RFTN1: variants seen among roughly 807,000 people sequenced by gnomAD.
The protein encoded by RFTN1 is raftlin, lipid raft linker 1.
In RFTN1, 26 loss-of-function variants were observed where a neutral mutation model predicts 46.5. The ratio of observed to expected loss-of-function variants is 0.56; its 90% CI spans 0.41 to 0.78. The LOEUF (loss-of-function observed/expected upper bound fraction) is 0.78, where lower values mean the gene tolerates loss of function less well. RFTN1 is among the 30% of genes least tolerant of loss of function. The pLI, the probability that RFTN1 is intolerant of heterozygous loss-of-function variation, is 0.00. For missense variants in RFTN1, 693 were observed against 718.7 expected, an observed-to-expected ratio of 0.96 and a Z score of 0.41; for synonymous variants, 261 against 284.2, an observed-to-expected ratio of 0.92 and a Z score of 0.82.
rs941022278 is a variant in RFTN1, at chr3:16,446,402, A to T, written c.146-12365T>A. Among the ~76,000 whole-genome samples the T allele has an allele frequency of 5.3e-5, 8 of 151,912 alleles. No individual in the cohort carries two copies. The highest frequency in any genetic ancestry group is 2.0e-4 in the Admixed American group (3 of 15,246). On this transcript the variant is annotated intron_variant, in intron 2 of 9. Coordinates refer to ENST00000334133, the MANE Select transcript of RFTN1 (RefSeq NM_015150.2). This position sits in a 1 kb window ranked among gnomAD's most constrained non-coding sequence, Gnocchi z 4.5. ...TGTCGTGCAACCATCACCACCATCT[A>T]TCTCCAGGAAATCTTCATCGGCCTC...
rs988862905 is a variant in RFTN1 at position 16,323,521 on chromosome 3, G to A, written c.1251-64C>T. On this transcript the variant is annotated intron_variant, in intron 8 of 9. Transcript: ENST00000334133. ...TTAGAGGAACCCAAAACCTGACACA[G>A]ATGTTGCCATCCCTAATTTCATCAA... 9 of 1,167,088 alleles carry A rather than the reference G, an allele frequency of 7.7e-6. 1 individual carries two copies. In the South Asian group the frequency reaches 8.7e-5, roughly 11 times the overall value. The allele number at this position is 1,167,088 out of a possible 1,614,324, so 72.3% of individuals were successfully genotyped here.
rs11425499 is a variant in RFTN1 at position 16,344,330 on chromosome 3, G to GTTT, written c.1146+13599_1146+13601dup. On this transcript the variant is annotated intron_variant, in intron 7 of 9. Coordinates refer to ENST00000334133, the MANE Select transcript of RFTN1 (RefSeq NM_015150.2). This position sits in a 1 kb window ranked among gnomAD's most constrained non-coding sequence, Gnocchi z 4.4. ...GTGGATTAGATCAGTAATTTTCAAG[G>GTTT]TTTTTTTTTTTTAATTAGTAGGATG... 6.8e-6 allele frequency among the ~76,000 whole-genome samples: 1 copy of GTTT among 147,372 alleles called. No homozygotes were observed. The highest frequency in any genetic ancestry group is 1.5e-5 in the Non-Finnish European group (1 of 66,574).
chr3:16,357,012 G>A (rs1321636070), intron 7 of RFTN1, among the ~76,000 whole-genome samples: 2 of 151,896 alleles, frequency 1.3e-5, no homozygotes, highest in African/African-American at 4.8e-5. Context: ...CTACTCTGGA[G>A]GCTGAGGCAG....
intron 4 of RFTN1, among the ~76,000 whole-genome samples, chr3:16,398,128 T>C (rs2074513512): frequency 6.6e-6 from 1 of 151,720 alleles, no homozygotes; most frequent in Admixed American, 6.6e-5. Flanking sequence ...GCGCCTGTAA[T>C]CCCAGCTACT....
chr3:16,411,676 G>C (rs914638577), intron 3 of RFTN1, among the ~76,000 whole-genome samples: 1 of 152,166 alleles, frequency 6.6e-6, no homozygotes, highest in African/African-American at 2.4e-5. Context: ...CCTTTGAAAA[G>C]AAGACTTGGT....
In RFTN1 at chr3:16,403,561, C is replaced by G. The variant is rs62236337; in HGVS notation, c.441+5814G>C. On this transcript the variant is annotated intron_variant, in intron 4 of 9. Coordinates refer to ENST00000334133, the MANE Select transcript of RFTN1 (RefSeq NM_015150.2). ...CATATGAGAGACAGAGACAGAGACA[C>G]ACACACACACACATATATTATATTT... 2.7e-4 allele frequency among the ~76,000 whole-genome samples: 28 copies of G among 102,106 alleles called. 4 individuals are homozygous for G. The highest frequency in any genetic ancestry group is 7.6e-4 in the Admixed American group (5 of 6,592). 67.0% of individuals were successfully genotyped at this position (102,106 alleles called of 152,430 possible).
intron 1 of RFTN1, among the ~76,000 whole-genome samples, chr3:16,508,033 C>G (rs980641105): frequency 3.9e-5 from 6 of 152,186 alleles, no homozygotes; most frequent in African/African-American, 1.4e-4. Context: ...ACCTCCAATA[C>G]GGGATCTTAA....
chr3:16,438,618 A>G (rs1399673722), intron 2 of RFTN1, among the ~76,000 whole-genome samples: 1 of 125,498 alleles, frequency 8.0e-6, no homozygotes, highest in Admixed American at 8.4e-5. Context: ...AAAAAAAAAA[A>G]GAAGACAGGT....
At chr3:16,324,126 C>A (rs909972784) in intron 8 of RFTN1, among the ~76,000 whole-genome samples, 1 of 152,096 alleles carries the variant, frequency 6.6e-6, no homozygotes, top group Non-Finnish European at 1.5e-5. Flanking sequence ...CCCCTGCTTC[C>A]ACCCTTCTGA....
intron 4 of RFTN1, among the ~76,000 whole-genome samples, chr3:16,388,704 T>C (rs1217463486): frequency 3.9e-5 from 6 of 152,166 alleles, no homozygotes; most frequent in Non-Finnish European, 5.9e-5. Context: ...CAATAAGCAA[T>C]TTGTTAATAT....
In RFTN1 at chr3:16,449,978, C is replaced by T. The variant is rs1575310851; in HGVS notation, c.146-15941G>A. Among the ~76,000 whole-genome samples the T allele has an allele frequency of 6.6e-6, 1 of 152,090 alleles. No homozygotes were observed. Among genetic ancestry groups the T allele is most frequent in the Non-Finnish European group, 1.5e-5 (1 of 68,034 alleles). Reference sequence around the variant, plus strand: ...AGGGCTGCAGGAGGCCCCAGGGAGGCGCAGCAGGGGAAAGAGGTGGAATTG... The same window carrying T: ...AGGGCTGCAGGAGGCCCCAGGGAGGTGCAGCAGGGGAAAGAGGTGGAATTG... On this transcript the variant is annotated intron_variant, in intron 2 of 9. Transcript: ENST00000334133. The surrounding 1 kb of genome is among the most constrained non-coding windows in gnomAD (Gnocchi z 5.1).
chr3:16,333,670 CAT>C (rs934627646), intron 7 of RFTN1, among the ~76,000 whole-genome samples: 1 of 151,844 alleles, frequency 6.6e-6, no homozygotes, highest in Non-Finnish European at 1.5e-5. Context: ...CATAAAAACT[CAT>C]ATGATATAAA....
chr3:16,375,431 A>G (rs1162184450), intron 5 of RFTN1, among the ~76,000 whole-genome samples: 6 of 152,022 alleles, frequency 3.9e-5, no homozygotes, highest in Non-Finnish European at 8.8e-5. Context: ...TAGTAATAGC[A>G]TCTTCTGCCA....
intron 4 of RFTN1, among the ~76,000 whole-genome samples, chr3:16,397,364 T>C (rs917354698): frequency 1.3e-5 from 2 of 152,074 alleles, no homozygotes; most frequent in African/African-American, 4.8e-5. Context: ...TGGGGAGATG[T>C]AGGTCAAAGG....
chr3:16,390,030 G>T (rs2074310228), intron 4 of RFTN1, among the ~76,000 whole-genome samples: 1 of 152,176 alleles, frequency 6.6e-6, no homozygotes, highest in African/African-American at 2.4e-5. Flanking sequence ...ATATGAGTGT[G>T]CCATCTTGAA....
At position 16,384,786 on chromosome 3, in the gene RFTN1, C is replaced by T. The variant is rs2074110305; in HGVS notation, c.442-6684G>A. On this transcript the variant is annotated intron_variant, in intron 4 of 9. Transcript: ENST00000334133. This position sits in a 1 kb window ranked among gnomAD's most constrained non-coding sequence, Gnocchi z 4.7. Reference sequence around the variant, plus strand: ...CAAATAAAATAAAATTTAAATATTCCTCTCCTTAGTCACATGAGTCACATT... The same window carrying T: ...CAAATAAAATAAAATTTAAATATTCTTCTCCTTAGTCACATGAGTCACATT... Among the ~76,000 whole-genome samples, 1 of 152,112 alleles carries T rather than the reference C, an allele frequency of 6.6e-6. No individual in the cohort carries two copies. Among genetic ancestry groups the T allele is most frequent in the African/African-American group, 2.4e-5 (1 of 41,402 alleles).
In RFTN1 at chr3:16,342,800, G is replaced by A. The variant is rs1207278881; in HGVS notation, c.1146+15132C>T. Among the ~76,000 whole-genome samples the A allele has an allele frequency of 6.6e-6, 1 of 152,158 alleles. No homozygotes were observed. The highest frequency in any genetic ancestry group is 6.5e-5 in the Admixed American group (1 of 15,284). ...CATGCCCAGCTTATTCAAGTTGGAA[G>A]GGGTCAGGGTGGACCTCTAGTCCAG... On this transcript the variant is annotated intron_variant, in intron 7 of 9. Transcript: ENST00000334133. The surrounding 1 kb of genome is among the most constrained non-coding windows in gnomAD (Gnocchi z 4.0).
chr3:16,430,820 T>C (rs960733681), intron 3 of RFTN1, among the ~76,000 whole-genome samples: 3 of 152,162 alleles, frequency 2.0e-5, no homozygotes, highest in African/African-American at 7.2e-5. Context: ...CCAACTTCCC[T>C]TTCTTGAAAA....
chr3:16,389,164 T>C (rs1319999518), intron 4 of RFTN1, among the ~76,000 whole-genome samples: 1 of 152,224 alleles, frequency 6.6e-6, no homozygotes, highest in East Asian at 1.9e-4. Flanking sequence ...TTTAACAAAA[T>C]GTTGAGATGG....
Sources: allele counts gnomAD v4.1 joint callset (sites outside exome capture counted in the v4.1 genomes callset), GRCh38; gene constraint gnomAD v4.1.1; non-coding constraint Gnocchi (gnomAD v3.1); transcripts MANE v1.5; gene names NCBI Gene and HGNC (gene_info 2026-07-23, HGNC 2026-07-21).